Variants in IFRD1 observed in about 807,000 individuals in gnomAD.
IFRD1 encodes the protein interferon-related developmental regulator 1.
IFRD1 carries 35 observed loss-of-function variants against 52.9 expected under a neutral mutation model. The observed-to-expected ratio is 0.66, with a 90% CI of 0.51 to 0.88. The LOEUF is 0.88. Ranked by LOEUF, IFRD1 falls within the 40% of genes least tolerant of loss-of-function variation. The probability of loss-of-function intolerance (pLI) is 0.00; values close to 1 mark genes in which losing one functional copy is unlikely to be tolerated. For missense variants in IFRD1, 517 were observed against 550.8 expected (o/e 0.94, Z 0.61); for synonymous variants, 184 against 188.4 (o/e 0.98, Z 0.19).
Position 112,458,709 on chromosome 7 carries a change from G to GCC in IFRD1, c.410-151_410-150dup, listed in dbSNP as rs1351521011. The GCC allele has an allele frequency of 7.1e-6, 5 of 699,950 alleles. No homozygotes were observed. In the African/African-American group the frequency reaches 8.9e-5, roughly 12 times the overall value. 43.4% of individuals were successfully genotyped at this position (699,950 alleles called of 1,614,324 possible). A position where few individuals can be genotyped will look rare whatever the true frequency, so the allele number is the denominator to read the frequency against. Reference sequence around the variant, plus strand: ...CTGTTTCTATAGTTTGAGCTCTTTAGCCTAAGTTTGTAACTTACATCAAAG... The same window carrying GCC: ...CTGTTTCTATAGTTTGAGCTCTTTAGCCCCTAAGTTTGTAACTTACATCAAAG... On this transcript the variant is annotated intron_variant, in intron 4 of 11. Transcript: ENST00000403825.
chr7:112,472,944 C>T, intron 11 of IFRD1, 83 bp downstream of exon 11: 1 of 907,660 alleles, frequency 1.1e-6, no homozygotes, highest in Non-Finnish European at 1.8e-6. Context: ...GCTGTGTCTA[C>T]CTATATGTGG....
intron 1 of IFRD1, among the ~76,000 whole-genome samples, chr7:112,434,684 T>C (rs1317050642): frequency 6.6e-6 from 1 of 152,178 alleles, no homozygotes; most frequent in Non-Finnish European, 1.5e-5. Context: ...GGGATAAAAT[T>C]AAATAACTTT....
rs1319145129 is a variant in IFRD1, at chr7:112,462,006, A to G, written c.624A>G (p.Leu208=). 5 of 1,610,726 alleles carry G rather than the reference A, an allele frequency of 3.1e-6. No individual in the cohort carries two copies. The highest frequency in any genetic ancestry group is 3.3e-5 in the Admixed American group (2 of 59,938). The change falls in exon 7 of 12, where the codon CTA becomes CTG. Residue 208 remains leucine, a synonymous_variant. Coordinates refer to ENST00000403825, the MANE Select transcript of IFRD1 (RefSeq NM_001550.4). Reference sequence around the variant, plus strand: ...TTCATATTCTTATGCATTAGGAACTATACTCAACTCTGGAATGTTTGGAAA... The same window carrying G: ...TTCATATTCTTATGCATTAGGAACTGTACTCAACTCTGGAATGTTTGGAAA... ...CFIATDDITE[L]YSTLECLENI...
intron 9 of IFRD1, among the ~76,000 whole-genome samples, chr7:112,471,022 A>G (rs991705350): frequency 3.3e-5 from 5 of 152,206 alleles, no homozygotes; most frequent in African/African-American, 4.8e-5. Context: ...CCAACAGGAA[A>G]GAGGATAATA....
intron 1 of IFRD1, among the ~76,000 whole-genome samples, chr7:112,431,837 C>G (rs748725714): frequency 6.6e-6 from 1 of 152,230 alleles, no homozygotes; most frequent in Non-Finnish European, 1.5e-5. Context: ...CTCCAGTCAT[C>G]TGAGGCCTCA....
chr7:112,456,164 G>T, intron 3 of IFRD1, 78 bp downstream of exon 3: 2 of 845,862 alleles, frequency 2.4e-6, no homozygotes, highest in South Asian at 1.4e-5. Context: ...TGATTATTCT[G>T]TGTGATTCTA....
In IFRD1 at chr7:112,455,779, T is replaced by C. The variant is rs980370777; in HGVS notation, c.111T>C (p.Asn37=). 1 of 1,610,764 alleles carries C rather than the reference T, an allele frequency of 6.2e-7. No individual in the cohort carries two copies. Among genetic ancestry groups the C allele is most frequent in the African/African-American group, 1.3e-5 (1 of 74,872 alleles). The change falls in exon 2 of 12, where the codon AAT becomes AAC. Residue 37 remains asparagine, a synonymous_variant. Transcript: ENST00000403825. ...TAATAGGQHR[N]VQPFSDEDAS... is the part of the protein sequence containing the mutation. ...ACCTAATAGGTGGCCAGCATCGAAA[T>C]GTTCAGCCTTTTAGTGATGAAGATG...
At chr7:112,471,126 A>G (rs1360524947) in intron 9 of IFRD1, among the ~76,000 whole-genome samples, 3 of 152,300 alleles carry the variant, frequency 2.0e-5, no homozygotes, top group East Asian at 3.9e-4. Context: ...TTGAAATAAG[A>G]TAACTCTACT....
rs181268935 is a variant in IFRD1, at chr7:112,473,993, C to G, written c.1266+1132C>G. On this transcript the variant is annotated intron_variant, in intron 11 of 11. Coordinates refer to ENST00000403825, the MANE Select transcript of IFRD1 (RefSeq NM_001550.4). ...ATTTCATACAAATGGAGTTATATAGCATGCAACCTTTTGTGTCTGGCTTTT... is the reference window on the plus strand; with the variant it reads ...ATTTCATACAAATGGAGTTATATAGGATGCAACCTTTTGTGTCTGGCTTTT... 1.1e-4 allele frequency among the ~76,000 whole-genome samples: 16 copies of G among 152,308 alleles called. No individual in the cohort carries two copies. In the East Asian group the frequency reaches 3.1e-3, roughly 29 times the overall value.
intron 8 of IFRD1, among the ~76,000 whole-genome samples, chr7:112,463,958 A>G (rs912671718): frequency 6.6e-5 from 10 of 151,234 alleles, no homozygotes; most frequent in Admixed American, 6.6e-4. Context: ...TCATCCAGAC[A>G]TATTTCATTT....
At chr7:112,429,263 C>G (rs1045482516) in intron 1 of IFRD1, among the ~76,000 whole-genome samples, 1 of 152,178 alleles carries the variant, frequency 6.6e-6, no homozygotes, top group Non-Finnish European at 1.5e-5. Flanking sequence ...TGTCTTGTAC[C>G]TAAAGAAACC....
intron 11 of IFRD1, among the ~76,000 whole-genome samples, chr7:112,473,719 C>T (rs1365867860): frequency 6.6e-6 from 1 of 152,108 alleles, no homozygotes; most frequent in East Asian, 1.9e-4. Context: ...GCCACCATGA[C>T]CAGCCTGCAT....
chr7:112,457,162 G>C, intron 4 of IFRD1, 124 bp downstream of exon 4: 1 of 982,086 alleles, frequency 1.0e-6, no homozygotes, highest in Non-Finnish European at 1.6e-6. Flanking sequence ...AATAGTCAAG[G>C]AGTGCACCAT....
chr7:112,463,872 ACACACACACACACACACACACAC>A (rs1795533893), intron 8 of IFRD1, among the ~76,000 whole-genome samples: 1 of 43,622 alleles, frequency 2.3e-5, no homozygotes, highest in Non-Finnish European at 5.2e-5. Context: ...ACACACACAC[ACACACACACACACACACACACAC>A]CCCACGTATC....
intron 1 of IFRD1, among the ~76,000 whole-genome samples, chr7:112,451,418 C>A (rs1256163211): frequency 6.6e-6 from 1 of 152,184 alleles, no homozygotes; most frequent in Non-Finnish European, 1.5e-5. Context: ...CTGCAGAAGC[C>A]CTGAACCTCT....
chr7:112,447,342 T>C (rs1352222978), upstream of IFRD1, among the ~76,000 whole-genome samples: 4 of 152,222 alleles, frequency 2.6e-5, no homozygotes, highest in East Asian at 1.9e-4. Context: ...TAATGTCATG[T>C]TGGTAACAAA....
chr7:112,450,972 G>C (rs572447975), intron 1 of IFRD1, 190 bp downstream of exon 1: 84 of 625,946 alleles, frequency 1.3e-4, no homozygotes, highest in African/African-American at 1.1e-3. Context: ...TTTAGATCTG[G>C]CGTGCGAACC....
chr7:112,428,691 C>T (rs990272303), intron 1 of IFRD1, among the ~76,000 whole-genome samples: 2 of 152,098 alleles, frequency 1.3e-5, no homozygotes, highest in African/African-American at 4.8e-5. Flanking sequence ...CCTTTCCTTG[C>T]ATGAAGCCAT....
rs1795191093 is a variant in IFRD1 at position 112,452,520 on chromosome 7, T to A, written c.94+1738T>A. 3.6e-6 allele frequency: 3 copies of A among 829,106 alleles called. No individual in the cohort carries two copies. In the African/African-American group the frequency reaches 5.5e-5, roughly 15 times the overall value. 51.4% of individuals were successfully genotyped at this position (829,106 alleles called of 1,614,324 possible). On this transcript the variant is annotated intron_variant, in intron 1 of 11. Coordinates refer to ENST00000403825, the MANE Select transcript of IFRD1 (RefSeq NM_001550.4). Reference sequence around the variant, plus strand: ...TGAATTCTTTCTAGAAGGTATTTATTTTATTCTATTACCCTTTTGTTGATG... The same window carrying A: ...TGAATTCTTTCTAGAAGGTATTTATATTATTCTATTACCCTTTTGTTGATG...
Sources: allele counts gnomAD v4.1 joint callset (sites outside exome capture counted in the v4.1 genomes callset), GRCh38; gene constraint gnomAD v4.1.1; transcripts MANE v1.5; gene names NCBI Gene and HGNC (gene_info 2026-07-23, HGNC 2026-07-21).